The following SDHAF3 variants were observed in gnomAD, a reference collection of about 807,000 sequenced individuals.
SDHAF3 encodes the protein succinate dehydrogenase assembly factor 3, mitochondrial.
A neutral mutation model predicts 11.5 loss-of-function variants in SDHAF3; 18 were observed. The ratio of observed to expected loss-of-function variants is 1.56; its 90% confidence interval spans 1.08 to 2.32. The LOEUF (loss-of-function observed/expected upper bound fraction) is 2.32. Ranked by LOEUF, SDHAF3 falls within the 30% of genes most tolerant of loss-of-function variation. The pLI, the probability that SDHAF3 is intolerant of heterozygous loss-of-function variation, is 0.00. For synonymous variants in SDHAF3, 72 were observed against 59.3 expected, an observed-to-expected ratio of 1.21 and a Z score of -0.99; for missense variants, 200 against 154.4, an observed-to-expected ratio of 1.30 and a Z score of -1.57.
At chr7:97,151,515 T>TC (rs1048087375) in intron 1 of SDHAF3, among the ~76,000 whole-genome samples, 1 of 150,788 alleles carries the variant, frequency 6.6e-6, no homozygotes, top group Non-Finnish European at 1.5e-5. Flanking sequence ...TTTTTTTTTT[T>TC]TGAGTTGGAG....
chr7:97,147,555 T>C (rs1025972449), intron 1 of SDHAF3, among the ~76,000 whole-genome samples: 1 of 152,180 alleles, frequency 6.6e-6, no homozygotes, highest in Non-Finnish European at 1.5e-5. Context: ...CTGAAAAGGC[T>C]CCAGGGTTTC....
At chr7:97,171,646 A>G (rs916764458) in intron 1 of SDHAF3, among the ~76,000 whole-genome samples, 1 of 152,108 alleles carries the variant, frequency 6.6e-6, no homozygotes, top group Admixed American at 6.6e-5. Flanking sequence ...CTATTTTCAT[A>G]AAATGTTTTA....
At chr7:97,179,561 G>A (rs1789738825) in intron 1 of SDHAF3, among the ~76,000 whole-genome samples, 1 of 151,810 alleles carries the variant, frequency 6.6e-6, no homozygotes, top group Non-Finnish European at 1.5e-5. Flanking sequence ...GGATGGTAGG[G>A]TGATTTTTGC....
chr7:97,169,939 C>G (rs1416675086), intron 1 of SDHAF3, among the ~76,000 whole-genome samples: 2 of 151,934 alleles, frequency 1.3e-5, no homozygotes, highest in Non-Finnish European at 2.9e-5. Context: ...TTTTTGTTCC[C>G]CATCAATTTT....
At chr7:97,163,299 G>T (rs1321687352) in intron 1 of SDHAF3, among the ~76,000 whole-genome samples, 2 of 150,896 alleles carry the variant, frequency 1.3e-5, no homozygotes, top group Non-Finnish European at 2.9e-5. Context: ...CCGCCACCAT[G>T]CCCAGCTAAT....
intron 1 of SDHAF3, among the ~76,000 whole-genome samples, chr7:97,146,606 T>C (rs1280873920): frequency 1.3e-5 from 2 of 152,196 alleles, no homozygotes; most frequent in Admixed American, 1.3e-4. Flanking sequence ...GTTTTAATTT[T>C]TTTAATTGCC....
At chr7:97,160,028 C>A (rs1176502895) in intron 1 of SDHAF3, among the ~76,000 whole-genome samples, 1 of 152,180 alleles carries the variant, frequency 6.6e-6, no homozygotes, top group East Asian at 1.9e-4. Flanking sequence ...AGGCCAATGG[C>A]CACCCTTCGT....
chr7:97,179,693 C>A (rs551470343), intron 1 of SDHAF3, among the ~76,000 whole-genome samples: 37 of 152,134 alleles, frequency 2.4e-4, no homozygotes, highest in African/African-American at 8.0e-4. Context: ...GCAATGCAGA[C>A]TCTCACTGAC....
At chr7:97,144,654 T>G (rs1031338921) in intron 1 of SDHAF3, among the ~76,000 whole-genome samples, 1 of 152,228 alleles carries the variant, frequency 6.6e-6, no homozygotes, top group African/African-American at 2.4e-5. Flanking sequence ...GGTTCCCTAT[T>G]CTGTCCCATT....
At chr7:97,172,901 C>T (rs989965323) in intron 1 of SDHAF3, among the ~76,000 whole-genome samples, 4 of 152,186 alleles carry the variant, frequency 2.6e-5, no homozygotes, top group African/African-American at 4.8e-5. Context: ...GAACTGTAAG[C>T]GGTCCCCTTT....
At chr7:97,122,179 G>T (rs1226464532) in intron 1 of SDHAF3, among the ~76,000 whole-genome samples, 1 of 152,128 alleles carries the variant, frequency 6.6e-6, no homozygotes, top group African/African-American at 2.4e-5. Context: ...TTTTTTCCAG[G>T]AACTGCAGTG....
chr7:97,164,918 A>G (rs1272872378), intron 1 of SDHAF3, among the ~76,000 whole-genome samples: 1 of 152,216 alleles, frequency 6.6e-6, no homozygotes, highest in Non-Finnish European at 1.5e-5. Flanking sequence ...ATGGCAAGAT[A>G]AACCTATTAG....
At chr7:97,157,464 A>T (rs1789321058) in intron 1 of SDHAF3, among the ~76,000 whole-genome samples, 1 of 152,146 alleles carries the variant, frequency 6.6e-6, no homozygotes, top group South Asian at 2.1e-4. Flanking sequence ...AAGTCAGGAA[A>T]CAACAGGTGC....
At chr7:97,135,682 A>ATATATATAT (rs1491358723) in intron 1 of SDHAF3, 1 of 61,836 alleles carries the variant, frequency 1.6e-5, no homozygotes, top group African/African-American at 7.3e-5. Flanking sequence ...ATATATATAT[A>ATATATATAT]TTTTTTTTTT....
intron 1 of SDHAF3, among the ~76,000 whole-genome samples, chr7:97,138,289 A>G (rs1788963022): frequency 6.6e-6 from 1 of 151,938 alleles, no homozygotes; most frequent in Non-Finnish European, 1.5e-5. Context: ...CCTCCTGAGT[A>G]GCTGGGATTA....
rs557433337 is a variant in SDHAF3 at position 97,121,496 on chromosome 7, A to C, written c.174+3599A>C. On this transcript the variant is annotated intron_variant, in intron 1 of 1. Transcript: ENST00000432641. ...TGTGTCTGTTGTGGAATATTTTTTA[A>C]CTGTTTTGTTTCTAGAAAAAGGCAG... Among the ~76,000 whole-genome samples, 8 of 152,234 alleles carry C rather than the reference A, an allele frequency of 5.3e-5. No homozygotes were observed. The South Asian group carries it at 1.7e-3, about 32-fold the overall frequency.
chr7:97,126,960 C>T (rs1791586546), intron 1 of SDHAF3, among the ~76,000 whole-genome samples: 1 of 152,044 alleles, frequency 6.6e-6, no homozygotes, highest in South Asian at 2.1e-4. Context: ...ATCTCCTGGT[C>T]TTCGGATTAC....
At chr7:97,123,705 G>C (rs1405164617) in intron 1 of SDHAF3, among the ~76,000 whole-genome samples, 1 of 151,654 alleles carries the variant, frequency 6.6e-6, no homozygotes, top group Middle Eastern at 3.2e-3. Flanking sequence ...GCGTGAGATG[G>C]TATCTCATTG....
At chr7:97,136,989 C>T (rs1436894337) in intron 1 of SDHAF3, among the ~76,000 whole-genome samples, 1 of 151,992 alleles carries the variant, frequency 6.6e-6, no homozygotes, top group African/African-American at 2.4e-5. Flanking sequence ...TTTAACTGCA[C>T]CATTTTCTTT....
Sources: allele counts gnomAD v4.1 joint callset (sites outside exome capture counted in the v4.1 genomes callset), GRCh38; gene constraint gnomAD v4.1.1; transcripts MANE v1.5; gene names NCBI Gene and HGNC (gene_info 2026-07-23, HGNC 2026-07-21).